The following NPAS3 variants were observed in gnomAD, a reference collection of about 807,000 sequenced individuals.
NPAS3 encodes the protein neuronal PAS domain-containing protein 3.
Under a neutral mutation model 73.1 loss-of-function variants are expected in NPAS3, and 14 were observed. That is an observed-to-expected ratio of 0.19 (90% CI 0.13 to 0.30). The LOEUF (loss-of-function observed/expected upper bound fraction) is 0.30, where lower values mean the gene tolerates loss of function less well. NPAS3 is among the 10% of genes least tolerant of loss of function. The probability of loss-of-function intolerance (pLI) is 1.00; values close to 1 mark genes in which losing one functional copy is unlikely to be tolerated. For synonymous variants in NPAS3, 620 were observed against 541.5 expected, an observed-to-expected ratio of 1.14 and a Z score of -2.01; for missense variants, 1,096 against 1,250.0, an observed-to-expected ratio of 0.88 and a Z score of 1.86.
chr14:33,345,522 A>G (rs10145961), intron 3 of NPAS3, among the ~76,000 whole-genome samples: 68,163 of 152,110 alleles, frequency 0.45, 15,870 homozygotes, highest in East Asian at 0.61. Context: ...AAAGTTAAGA[A>G]GTATTCTAGG....
chr14:33,073,445 A>T (rs916862467), intron 2 of NPAS3, among the ~76,000 whole-genome samples: 1 of 152,158 alleles, frequency 6.6e-6, no homozygotes, highest in African/African-American at 2.4e-5. Context: ...AAGGAGATAG[A>T]GGGTGGCAAG....
At chr14:33,591,165 T>A (rs530714829) in intron 5 of NPAS3, among the ~76,000 whole-genome samples, 1 of 152,176 alleles carries the variant, frequency 6.6e-6, no homozygotes, top group East Asian at 1.9e-4. Flanking sequence ...TCCCTTTGTT[T>A]TAATGACAAC....
intron 3 of NPAS3, among the ~76,000 whole-genome samples, chr14:33,301,635 T>C (rs2042553354): frequency 6.6e-6 from 1 of 152,040 alleles, no homozygotes; most frequent in Admixed American, 6.5e-5. Flanking sequence ...TCTGAAAAAG[T>C]GTATATGCTT....
At chr14:33,415,816 C>A (rs2048122399) in intron 4 of NPAS3, among the ~76,000 whole-genome samples, 3 of 152,078 alleles carry the variant, frequency 2.0e-5, no homozygotes. Context: ...CCCTTTACAT[C>A]CTATTAGATA....
chr14:33,008,177 G>T (rs1204125705), intron 1 of NPAS3, among the ~76,000 whole-genome samples: 1 of 152,168 alleles, frequency 6.6e-6, no homozygotes, highest in African/African-American at 2.4e-5. Flanking sequence ...AAGAGAAACA[G>T]CCTAAATGTT....
chr14:33,431,342 T>G (rs2048775412), intron 4 of NPAS3, among the ~76,000 whole-genome samples: 1 of 152,214 alleles, frequency 6.6e-6, no homozygotes. Context: ...TGGCAAAAGG[T>G]CTACATGTAT....
rs575848847 is a variant in NPAS3, at chr14:33,085,089, A to G, written c.140+29095A>G. The stretch of plus-strand genomic sequence containing the variant: ...AAGTTCAAGGCACATGAATATGGAC[A>G]TTATTCTGGGCTTCCTTCTCCCTTA... On this transcript the variant is annotated intron_variant, in intron 2 of 11. Coordinates refer to ENST00000356141, the Ensembl canonical transcript of NPAS3. Among the ~76,000 whole-genome samples, 5 of 152,318 alleles carry G rather than the reference A, an allele frequency of 3.3e-5. No homozygotes were observed. The South Asian group carries it at 8.3e-4, about 25-fold the overall frequency.
At chr14:33,753,749 A>T (rs2062032676) in intron 7 of NPAS3, among the ~76,000 whole-genome samples, 1 of 152,186 alleles carries the variant, frequency 6.6e-6, no homozygotes, top group Non-Finnish European at 1.5e-5. Context: ...GGGGAAAGTA[A>T]GTGATCTATT....
intron 3 of NPAS3, among the ~76,000 whole-genome samples, chr14:33,327,983 C>T (rs1427063193): frequency 6.6e-6 from 1 of 152,150 alleles, no homozygotes; most frequent in Non-Finnish European, 1.5e-5. Context: ...GTAAAACCAT[C>T]TCTGGGATTA....
chr14:33,296,663 TTGGTGTC>T (rs2042312123), intron 3 of NPAS3, among the ~76,000 whole-genome samples: 1 of 152,182 alleles, frequency 6.6e-6, no homozygotes, highest in South Asian at 2.1e-4. Context: ...GCATAGAAAT[TTGGTGTC>T]CTATGATAGC....
chr14:33,393,996 G>A (rs1030868193), intron 4 of NPAS3, among the ~76,000 whole-genome samples: 30 of 152,104 alleles, frequency 2.0e-4, no homozygotes, highest in African/African-American at 2.9e-4. Context: ...TGGAACTCTC[G>A]CTTGATTATT....
intron 4 of NPAS3, among the ~76,000 whole-genome samples, chr14:33,510,240 C>G (rs1480843571): frequency 6.6e-6 from 1 of 152,014 alleles, no homozygotes; most frequent in Non-Finnish European, 1.5e-5. Context: ...AAAATCTGTG[C>G]CCTAAAATGT....
intron 4 of NPAS3, among the ~76,000 whole-genome samples, chr14:33,464,373 T>C (rs2050412817): frequency 6.6e-6 from 1 of 152,186 alleles, no homozygotes; most frequent in Non-Finnish European, 1.5e-5. Context: ...AGGGCTGCAC[T>C]GGCCGAGTAC....
chr14:33,606,444 G>A (rs950255942), intron 5 of NPAS3, among the ~76,000 whole-genome samples: 3 of 151,702 alleles, frequency 2.0e-5, no homozygotes, highest in South Asian at 4.2e-4. Flanking sequence ...TGGTGTATAT[G>A]AGGCAGCTGA....
intron 9 of NPAS3, among the ~76,000 whole-genome samples, chr14:33,790,375 A>G (rs553668457): frequency 3.6e-4 from 55 of 152,360 alleles, no homozygotes; most frequent in Non-Finnish European, 4.3e-4. Flanking sequence ...GAGAATCAAA[A>G]AAGTTTTTTC....
intron 2 of NPAS3, among the ~76,000 whole-genome samples, chr14:33,189,486 G>A (rs1315580287): frequency 2.0e-5 from 3 of 152,202 alleles, no homozygotes; most frequent in Non-Finnish European, 2.9e-5. Flanking sequence ...TAAGTCCCAC[G>A]AGGGAGCACT....
At chr14:33,679,885 T>C (rs1205487168) in intron 6 of NPAS3, among the ~76,000 whole-genome samples, 1 of 152,232 alleles carries the variant, frequency 6.6e-6, no homozygotes, top group East Asian at 1.9e-4. Flanking sequence ...ATAAATATTT[T>C]ATATGTATGC....
chr14:33,298,711 A>G (rs1412018320), intron 3 of NPAS3, among the ~76,000 whole-genome samples: 14 of 152,182 alleles, frequency 9.2e-5, no homozygotes, highest in Admixed American at 9.2e-4. Flanking sequence ...CTAGGAAGAT[A>G]ATGTATAAGG....
intron 6 of NPAS3, among the ~76,000 whole-genome samples, chr14:33,730,979 C>T (rs976227973): frequency 6.6e-6 from 1 of 152,324 alleles, no homozygotes; most frequent in Non-Finnish European, 1.5e-5. Context: ...CCTATGGCAA[C>T]TCCACTTCTC....
Sources: allele counts gnomAD v4.1 joint callset (sites outside exome capture counted in the v4.1 genomes callset), GRCh38; gene constraint gnomAD v4.1.1; transcripts MANE v1.5; gene names NCBI Gene and HGNC (gene_info 2026-07-23, HGNC 2026-07-21).